BPTF: variants seen among roughly 807,000 people sequenced by gnomAD.
BPTF encodes nucleosome-remodeling factor subunit BPTF.
BPTF carries 18 observed loss-of-function variants against 292.5 expected under a neutral mutation model. That is an observed-to-expected ratio of 0.06 (90% CI 0.04 to 0.09). The LOEUF (loss-of-function observed/expected upper bound fraction) is 0.09. BPTF is among the 10% of genes least tolerant of loss of function. The pLI, the probability that BPTF is intolerant of heterozygous loss-of-function variation, is 1.00. For missense variants in BPTF, 2,726 were observed against 3,498.7 expected (o/e 0.78, Z 5.57); for synonymous variants, 1,225 against 1,251.9 (o/e 0.98, Z 0.45).
chr17:67,918,539 A>T (rs1026576698), intron 11 of BPTF, among the ~76,000 whole-genome samples, 175 bp from the exon 12 acceptor site: 2 of 152,190 alleles, frequency 1.3e-5, no homozygotes, highest in Non-Finnish European at 2.9e-5. Flanking sequence ...ATGAATGAAG[A>T]AGTTTTTCTT....
intron 1 of BPTF, among the ~76,000 whole-genome samples, chr17:67,850,485 C>T (rs1268828409): frequency 6.6e-6 from 1 of 152,194 alleles, no homozygotes. Context: ...TCTTCTGCCT[C>T]AGCCTCCCAA....
At chr17:67,973,409 CCATTTTAAT>C (rs1334465054) in intron 26 of BPTF, among the ~76,000 whole-genome samples, 4 of 151,768 alleles carry the variant, frequency 2.6e-5, no homozygotes, top group Admixed American at 6.6e-5. Flanking sequence ...ACAAAATTTG[CCATTTTAAT>C]CATTTTAATA....
intron 27 of BPTF, chr17:67,981,905 CT>C (rs2070424725): frequency 3.5e-5 from 2 of 57,490 alleles, no homozygotes; most frequent in Non-Finnish European, 7.6e-5. Context: ...ACACACACAC[CT>C]TTCACCACAA....
At chr17:67,851,414 A>G (rs988677026) in intron 1 of BPTF, among the ~76,000 whole-genome samples, 3 of 152,118 alleles carry the variant, frequency 2.0e-5, no homozygotes, top group African/African-American at 7.2e-5. Flanking sequence ...TGCACGTTCA[A>G]TTGAGTTCAG....
intron 5 of BPTF, 39 bp from the exon 6 acceptor site, chr17:67,893,331 T>G (rs1466694515): frequency 1.8e-5 from 22 of 1,238,182 alleles, no homozygotes; most frequent in Non-Finnish European, 2.5e-5. Context: ...ACATCTTTGA[T>G]TGACATAAAT....
At chr17:67,871,721 C>T (rs1017253606) in intron 3 of BPTF, among the ~76,000 whole-genome samples, 1 of 152,122 alleles carries the variant, frequency 6.6e-6, no homozygotes, top group Non-Finnish European at 1.5e-5. Context: ...ATAGAATATG[C>T]ATATTTAGTA....
intron 1 of BPTF, among the ~76,000 whole-genome samples, chr17:67,833,443 T>A (rs899858187): frequency 6.6e-6 from 1 of 152,186 alleles, no homozygotes; most frequent in Non-Finnish European, 1.5e-5. Flanking sequence ...GTTTCCACTT[T>A]TTGGCCATTA....
At chr17:67,909,279 C>CCT (rs747833604) in intron 9 of BPTF, among the ~76,000 whole-genome samples, 3 of 91,438 alleles carry the variant, frequency 3.3e-5, no homozygotes, top group African/African-American at 1.2e-4. Flanking sequence ...CCCCCCCCCC[C>CCT]TTTTTTTTTT....
intron 5 of BPTF, 150 bp downstream of exon 5, chr17:67,892,184 A>G: frequency 1.6e-6 from 1 of 643,552 alleles, no homozygotes; most frequent in Non-Finnish European, 2.5e-6. Context: ...AGTAGTTAAC[A>G]AGACTGAAAG....
rs1228850953 is a variant in BPTF at position 67,909,632 on chromosome 17, T to A, written c.2863T>A (p.Ser955Thr). 2 of 1,593,422 alleles carry A rather than the reference T, an allele frequency of 1.3e-6. No homozygotes were observed. Among genetic ancestry groups the A allele is most frequent in the Admixed American group, 3.6e-5 (2 of 55,416 alleles). ...NMDESDKRKC[S>T]RSPKKIKIEP... ...GGATGAGTCAGATAAAAGAAAATGTTCACGAAGTCCAAAAAAAATAAAAAT... is the reference window on the plus strand; with the variant it reads ...GGATGAGTCAGATAAAAGAAAATGTACACGAAGTCCAAAAAAAATAAAAAT... The change falls in exon 10 of 28, where the codon TCA becomes ACA. Residue 955 changes from serine to threonine, a missense_variant. Physicochemically the swap from Ser to Thr is moderately conservative, Grantham distance 58. Around this residue, in one of 22 missense-constraint regions of BPTF, gnomAD observed 713 missense variants for 714.9 expected, o/e 1.00. Coordinates refer to ENST00000306378, the MANE Select transcript of BPTF (RefSeq NM_182641.4).
At chr17:67,968,041 A>G (rs920767455) in intron 26 of BPTF, among the ~76,000 whole-genome samples, 5 of 143,844 alleles carry the variant, frequency 3.5e-5, no homozygotes, top group Admixed American at 1.4e-4. Context: ...TTTCCCAGAA[A>G]AAAAAATGGT....
intron 1 of BPTF, among the ~76,000 whole-genome samples, chr17:67,826,585 C>CT (rs1004623279): frequency 3.4e-5 from 5 of 147,828 alleles, no homozygotes; most frequent in South Asian, 2.3e-4. Flanking sequence ...CTCTCTCCCC[C>CT]CCCCAACCCC....
chr17:67,944,040 G>A, intron 19 of BPTF, 110 bp from the exon 20 acceptor site: 1 of 831,520 alleles, frequency 1.2e-6, no homozygotes, highest in Non-Finnish European at 1.9e-6. Flanking sequence ...ATTCAAATAT[G>A]TATTTTCATT....
At chr17:67,902,710 C>T (rs937963251) in intron 7 of BPTF, among the ~76,000 whole-genome samples, 15 of 151,978 alleles carry the variant, frequency 9.9e-5, no homozygotes, top group Admixed American at 5.2e-4. Flanking sequence ...GAGAAGAAGC[C>T]GGGAGATTGA....
rs762142047 is a variant in BPTF at position 67,875,758 on chromosome 17, C to T, written c.1864+738C>T. On this transcript the variant is annotated intron_variant, in intron 4 of 27. Transcript: ENST00000306378. ...AGGATGTGCCAGGTACAGAGGGCAG[C>T]GTATCAATGCCTCTGTAATGGGGGG... The T allele has an allele frequency of 1.0e-4, 158 of 1,533,616 alleles. No homozygotes were observed. The Admixed American group carries it at 1.4e-3, about 14-fold the overall frequency.
intron 2 of BPTF, 72 bp from the exon 3 acceptor site, chr17:67,866,392 C>G: frequency 8.3e-7 from 1 of 1,204,350 alleles, no homozygotes; most frequent in Non-Finnish European, 1.2e-6. Context: ...TAAGTTTTCA[C>G]TGGGTAGATG....
At chr17:67,921,629 T>A (rs61700018) in intron 13 of BPTF, among the ~76,000 whole-genome samples, 2,803 of 152,286 alleles carry the variant, frequency 0.018, 95 homozygotes, top group African/African-American at 0.064. Flanking sequence ...TACAATTAAT[T>A]TTTGAAACTT....
At chr17:67,933,414 A>C (rs770795291) in intron 18 of BPTF, among the ~76,000 whole-genome samples, 1 of 151,904 alleles carries the variant, frequency 6.6e-6, no homozygotes, top group Non-Finnish European at 1.5e-5. Context: ...TACAAAAAAT[A>C]AAAATTTAGC....
At chr17:67,941,327 C>T (rs1414520047) in intron 19 of BPTF, among the ~76,000 whole-genome samples, 2 of 152,148 alleles carry the variant, frequency 1.3e-5, no homozygotes, top group African/African-American at 4.8e-5. Flanking sequence ...GTGGCATGCG[C>T]TTGTAATCAC....
Sources: gnomAD v4.1 joint callset for allele counts (sites outside exome capture counted in the v4.1 genomes callset) on GRCh38, gnomAD v4.1.1 for gene constraint, gnomAD v4.1.1 regional missense constraint, MANE v1.5 for transcripts, NCBI Gene and HGNC (gene_info 2026-07-23, HGNC 2026-07-21) for gene names.